The following NPIPB12 variants were observed in gnomAD, a reference collection of about 807,000 sequenced individuals.
NPIPB12 encodes the protein nuclear pore complex interacting protein family member B12, also known as nuclear pore complex-interacting protein family member B12.
At chr16:29,490,431 TCTA>T (rs1488557687) in intron 4 of NPIPB12, among the ~76,000 whole-genome samples, 1 of 148,994 alleles carries the variant, frequency 6.7e-6, no homozygotes, top group African/African-American at 2.5e-5. Flanking sequence ...TGAACCCGTC[TCTA>T]CTAAAAATAC....
intron 1 of NPIPB12, among the ~76,000 whole-genome samples, chr16:29,497,438 C>T (rs377368106): frequency 4.6e-5 from 2 of 43,864 alleles, no homozygotes; most frequent in Non-Finnish European, 7.1e-5. Flanking sequence ...CACTTGAACC[C>T]GGGAGGCAGA....
At chr16:29,497,241 C>T (rs1240825470) in intron 1 of NPIPB12, among the ~76,000 whole-genome samples, 2 of 66,790 alleles carry the variant, frequency 3.0e-5, no homozygotes, top group Admixed American at 1.7e-4. Context: ...GTGGGCTGGG[C>T]GTGGTGGCTC....
Position 29,498,203 on chromosome 16 carries a change from G to A in NPIPB12, c.75+1121C>T, listed in dbSNP as rs1372524086. On this transcript the variant is annotated intron_variant, in intron 1 of 5. Transcript: ENST00000617311. ...TAATCCCAGCCACTCGGGAGGCTGA[G>A]GCAGGAGAATCGCTCGAACCTGGGA... Among the ~76,000 whole-genome samples the A allele has an allele frequency of 4.1e-5, 6 of 144,800 alleles. No individual in the cohort carries two copies. The Admixed American group carries it at 4.2e-4, about 10-fold the overall frequency. The allele number at this position is 144,800 out of a possible 152,430, so 95.0% of individuals were successfully genotyped here.
chr16:29,497,056 G>T, intron 1 of NPIPB12, among the ~76,000 whole-genome samples: 1 of 45,866 alleles, frequency 2.2e-5, no homozygotes, highest in Non-Finnish European at 4.4e-5. Context: ...AACATTGGAT[G>T]CATTTATTAT....
intron 1 of NPIPB12, among the ~76,000 whole-genome samples, chr16:29,498,299 A>AAAAAAATAAAT (rs1555481946): frequency 2.0e-4 from 29 of 141,968 alleles, no homozygotes; most frequent in African/African-American, 7.7e-4. Context: ...AAACTGTCTC[A>AAAAAAATAAAT]AAATAAATAA....
intron 2 of NPIPB12, among the ~76,000 whole-genome samples, chr16:29,504,536 G>A (rs1158511476): frequency 2.8e-5 from 4 of 145,224 alleles, no homozygotes; most frequent in East Asian, 5.0e-4. Flanking sequence ...GTGTGTGTGT[G>A]TGTGTGTGTG....
intron 2 of NPIPB12, among the ~76,000 whole-genome samples, chr16:29,492,181 TAC>T (rs1400371810): frequency 4.0e-4 from 18 of 44,456 alleles, no homozygotes; most frequent in Non-Finnish European, 3.4e-4. Context: ...CTCTGTCACA[TAC>T]ACACACACAC....
chr16:29,492,492 CAAAA>C (rs1191028089), intron 2 of NPIPB12, among the ~76,000 whole-genome samples: 4 of 40,288 alleles, frequency 9.9e-5, no homozygotes, highest in African/African-American at 3.2e-4. Flanking sequence ...ACTCTTGTCT[CAAAA>C]AAAAAAAAAA....
At chr16:29,497,066 T>G (rs1268159117) in intron 1 of NPIPB12, among the ~76,000 whole-genome samples, 1 of 57,328 alleles carries the variant, frequency 1.7e-5, no homozygotes, top group African/African-American at 5.4e-5. Flanking sequence ...GCATTTATTA[T>G]ATATCACATG....
chr16:29,492,492 CAAAAAAAAA>C (rs1191028089), intron 2 of NPIPB12, among the ~76,000 whole-genome samples: 3 of 40,276 alleles, frequency 7.4e-5, no homozygotes, highest in Non-Finnish European at 1.4e-4. Context: ...ACTCTTGTCT[CAAAAAAAAA>C]AAAAAAAAAA....
At chr16:29,504,514 ATGTGTGTGTGTG>A (rs375593232) in intron 2 of NPIPB12, among the ~76,000 whole-genome samples, 1,094 of 137,694 alleles carry the variant, frequency 7.9e-3, no homozygotes, top group Non-Finnish European at 0.012. Flanking sequence ...CAAAAAATAT[ATGTGTGTGTGTG>A]TGTGTGTGTG....
At chr16:29,504,514 ATGTGTGTGTG>A (rs375593232) in intron 2 of NPIPB12, among the ~76,000 whole-genome samples, 6,686 of 137,106 alleles carry the variant, frequency 0.049, 39 homozygotes, top group African/African-American at 0.12. Flanking sequence ...CAAAAAATAT[ATGTGTGTGTG>A]TGTGTGTGTG....
At chr16:29,504,469 C>T (rs1227438969) in intron 2 of NPIPB12, among the ~76,000 whole-genome samples, 1 of 134,570 alleles carries the variant, frequency 7.4e-6, no homozygotes, top group Non-Finnish European at 1.6e-5. Flanking sequence ...TGTGCCATTG[C>T]ACTCCAGCCT....
chr16:29,498,412 AG>A (rs1965169112), intron 1 of NPIPB12, among the ~76,000 whole-genome samples: 1 of 122,046 alleles, frequency 8.2e-6, no homozygotes, highest in Non-Finnish European at 1.7e-5. Flanking sequence ...CTTACACTTA[AG>A]GTTATATATT....
At chr16:29,498,379 A>G (rs2142192218) in intron 1 of NPIPB12, among the ~76,000 whole-genome samples, 1 of 141,304 alleles carries the variant, frequency 7.1e-6, no homozygotes, top group South Asian at 2.4e-4. Flanking sequence ...ATGCTGGTGT[A>G]TGTACTTTCC....
Position 29,487,245 on chromosome 16 carries a change from CAT to C in NPIPB12, c.511-18_511-17del, listed in dbSNP as rs1965058069. ...AAGGGGGGATCTGAAAAAGCCAACA[CAT>C]GAGAAATTGAATGTTGAGAGAGTCT... On this transcript the variant is annotated splice_polypyrimidine_tract_variant and intron_variant, in intron 5 of 5. Coordinates refer to ENST00000617311, the Ensembl canonical transcript of NPIPB12. The C allele has an allele frequency of 3.3e-6, 1 of 302,678 alleles. No individual in the cohort carries two copies. The highest frequency in any genetic ancestry group is 4.9e-6 in the Non-Finnish European group (1 of 206,052). The allele number at this position is 302,678 out of a possible 1,614,324, so 18.7% of individuals were successfully genotyped here.
chr16:29,492,886 A>AT lies in NPIPB12; in HGVS notation c.205-1013dup, dbSNP rs1965107491. ...AGATGGTAATTATCATCTTATAAGTATTTTACCACAGGTTAACATGTTTCA... is the reference window on the plus strand; with the variant it reads ...AGATGGTAATTATCATCTTATAAGTATTTTTACCACAGGTTAACATGTTTCA... On this transcript the variant is annotated intron_variant, in intron 2 of 5. Transcript: ENST00000617311. Among the ~76,000 whole-genome samples, 3 of 69,986 alleles carry AT rather than the reference A, an allele frequency of 4.3e-5. No homozygotes were observed. The Admixed American group carries it at 4.7e-4, about 11-fold the overall frequency. The allele number at this position is 69,986 out of a possible 152,430, so 45.9% of individuals were successfully genotyped here. A position where few individuals can be genotyped will look rare whatever the true frequency, so the allele number is the denominator to read the frequency against.
intron 2 of NPIPB12, among the ~76,000 whole-genome samples, chr16:29,495,200 A>C (rs1172563809): frequency 1.4e-5 from 2 of 145,436 alleles, no homozygotes; most frequent in African/African-American, 4.9e-5. Context: ...TTAAGTGACG[A>C]AACCTCATAC....
chr16:29,504,121 A>G (rs1410914184), upstream of NPIPB12, among the ~76,000 whole-genome samples: 1 of 62,866 alleles, frequency 1.6e-5, no homozygotes, highest in South Asian at 7.0e-4. Context: ...ACTTATTTGC[A>G]TATGTATTCT....
Sources: gnomAD v4.1 joint callset for allele counts (sites outside exome capture counted in the v4.1 genomes callset) on GRCh38, gnomAD v4.1.1 for gene constraint, MANE v1.5 for transcripts, NCBI Gene and HGNC (gene_info 2026-07-23, HGNC 2026-07-21) for gene names.